PAM: variants seen among roughly 807,000 people sequenced by gnomAD.
PAM encodes the protein peptidylglycine alpha-amidating monooxygenase.
In PAM, 72 loss-of-function variants were observed where a neutral mutation model predicts 122.1. The ratio of observed to expected loss-of-function variants is 0.59; its 90% CI spans 0.49 to 0.72. PAM has a LOEUF of 0.72. Ranked by LOEUF, PAM falls within the 30% of genes least tolerant of loss-of-function variation. The probability of loss-of-function intolerance (pLI) is 0.00; values close to 1 mark genes in which losing one functional copy is unlikely to be tolerated. For synonymous variants in PAM, 389 were observed against 404.4 expected (o/e 0.96, Z 0.46); for missense variants, 1,106 against 1,183.7 (o/e 0.93, Z 0.96).
chr5:102,989,104 C>T (rs987800092), intron 15 of PAM, among the ~76,000 whole-genome samples: 2 of 152,106 alleles, frequency 1.3e-5, no homozygotes, highest in African/African-American at 2.4e-5. Context: ...GAAATATCAA[C>T]GCTGATACAA....
rs181277221 is a variant in PAM, at chr5:102,941,083, T to G, written c.527-5754T>G. Among the ~76,000 whole-genome samples the G allele has an allele frequency of 4.6e-5, 7 of 152,368 alleles. No homozygotes were observed. In the East Asian group the frequency reaches 9.6e-4, roughly 21 times the overall value. ...AAAATAGTATAAATCATAACTTCAC[T>G]GTAGACTCATATTTTTTTGCATTCA... On this transcript the variant is annotated intron_variant, in intron 7 of 25. Coordinates refer to ENST00000438793, the MANE Select transcript of PAM (RefSeq NM_001177306.2).
At chr5:102,827,426 A>G (rs551064540) in intron 1 of PAM, among the ~76,000 whole-genome samples, 6 of 106,584 alleles carry the variant, frequency 5.6e-5, no homozygotes, top group South Asian at 8.2e-4. Flanking sequence ...GGAAAATAAA[A>G]TAACATTTTA....
chr5:102,818,228 G>A (rs778991384), intron 1 of PAM, among the ~76,000 whole-genome samples: 24 of 151,516 alleles, frequency 1.6e-4, no homozygotes, highest in Non-Finnish European at 2.2e-4. Context: ...AGAAGGGCAG[G>A]AGGCTTTGCT....
At chr5:103,017,111 A>G (rs921085707) in intron 21 of PAM, among the ~76,000 whole-genome samples, 45 of 152,186 alleles carry the variant, frequency 3.0e-4, no homozygotes, top group African/African-American at 1.0e-3. Flanking sequence ...GTTCCTTAGC[A>G]TTTCCCAATG....
At chr5:102,840,389 G>A (rs1214143014) in intron 1 of PAM, among the ~76,000 whole-genome samples, 2 of 152,086 alleles carry the variant, frequency 1.3e-5, no homozygotes, top group African/African-American at 2.4e-5. Context: ...CAATTAAAAT[G>A]TATTGACTTG....
chr5:102,769,735 T>C (rs1323645499), intron 1 of PAM, among the ~76,000 whole-genome samples: 2 of 152,194 alleles, frequency 1.3e-5, no homozygotes, highest in South Asian at 2.1e-4. Context: ...GCCAGTACCA[T>C]GCTGCTTTGG....
chr5:102,991,171 C>G (rs1211835501), intron 16 of PAM, among the ~76,000 whole-genome samples: 1 of 152,116 alleles, frequency 6.6e-6, no homozygotes, highest in Non-Finnish European at 1.5e-5. Context: ...GTGGCAAAGC[C>G]AGGCTTCAGT....
intron 1 of PAM, among the ~76,000 whole-genome samples, chr5:102,789,982 T>C (rs1354575709): frequency 6.6e-6 from 1 of 152,118 alleles, no homozygotes; most frequent in Non-Finnish European, 1.5e-5. Context: ...AATTTTCTTA[T>C]CTTGTATGTG....
At chr5:102,864,271 T>C (rs1424269974) in intron 1 of PAM, among the ~76,000 whole-genome samples, 1 of 151,376 alleles carries the variant, frequency 6.6e-6, no homozygotes, top group Non-Finnish European at 1.5e-5. Context: ...GGCAATAGCA[T>C]AGCCTTCCTG....
At position 103,003,072 on chromosome 5, in the gene PAM, C is replaced by T. The variant is rs199892513; in HGVS notation, c.1653C>T (p.Leu551=). Residue 551 remains leucine (L), a synonymous_variant, in exon 17 of 26, where the codon CTC becomes CTT. Coordinates refer to ENST00000438793, the MANE Select transcript of PAM (RefSeq NM_001177306.2). ...AGTTTGTTTACCAGCAAATAGGACT[C>T]GGACCAATTGAAGAAGACACTATTC... ...DSKFVYQQIG[L]GPIEEDTILV... is the part of the protein sequence containing the mutation. 22 of 1,606,048 alleles carry T rather than the reference C, an allele frequency of 1.4e-5. No homozygotes were observed. Among genetic ancestry groups the T allele is most frequent in the South Asian group, 5.5e-5 (5 of 90,856 alleles).
intron 5 of PAM, among the ~76,000 whole-genome samples, chr5:102,922,899 T>C (rs939057633): frequency 6.6e-6 from 1 of 152,212 alleles, no homozygotes; most frequent in Non-Finnish European, 1.5e-5. Flanking sequence ...ATTTTGCTTT[T>C]GGGCATCATC....
intron 1 of PAM, among the ~76,000 whole-genome samples, chr5:102,776,073 G>T (rs150613837): frequency 0.028 from 4,231 of 152,144 alleles, 108 homozygotes; most frequent in East Asian, 0.13. Flanking sequence ...GTTTTGATTT[G>T]CATTTCTCTA....
At chr5:102,951,003 AT>A (rs539997634) in intron 12 of PAM, among the ~76,000 whole-genome samples, 183 bp downstream of exon 12, 1 of 152,024 alleles carries the variant, frequency 6.6e-6, no homozygotes, top group African/African-American at 2.4e-5. Flanking sequence ...ACATGTGCTC[AT>A]TTTTTTGTGC....
intron 17 of PAM, among the ~76,000 whole-genome samples, chr5:103,004,596 C>T (rs555151754): frequency 7.2e-5 from 11 of 152,304 alleles, no homozygotes; most frequent in Non-Finnish European, 1.5e-4. Context: ...GATTAACCTT[C>T]TCTAATGTTT....
intron 1 of PAM, among the ~76,000 whole-genome samples, chr5:102,806,581 A>T (rs1442801893): frequency 1.3e-5 from 2 of 152,172 alleles, no homozygotes; most frequent in Non-Finnish European, 2.9e-5. Context: ...TGATATATAC[A>T]TATATATACA....
At chr5:102,935,148 C>T (rs1752848536) in intron 7 of PAM, among the ~76,000 whole-genome samples, 1 of 152,126 alleles carries the variant, frequency 6.6e-6, no homozygotes, top group South Asian at 2.1e-4. Flanking sequence ...CTCCCTTTCT[C>T]ACCTAATTCC....
chr5:102,835,034 G>A (rs890264572), intron 1 of PAM, among the ~76,000 whole-genome samples: 1 of 152,018 alleles, frequency 6.6e-6, no homozygotes, highest in Non-Finnish European at 1.5e-5. Context: ...TCCCCTTGTG[G>A]TTCAAATCTT....
intron 1 of PAM, among the ~76,000 whole-genome samples, chr5:102,836,997 G>A (rs992027521): frequency 2.6e-5 from 4 of 151,834 alleles, no homozygotes; most frequent in African/African-American, 9.7e-5. Context: ...CTCTTCTCCT[G>A]CTCTTTTTCT....
chr5:102,939,140 A>G (rs1436647476), intron 7 of PAM, among the ~76,000 whole-genome samples: 4 of 152,202 alleles, frequency 2.6e-5, no homozygotes, highest in Non-Finnish European at 4.4e-5. Context: ...TGGACAGAAT[A>G]TTCTATTAGC....
Sources: gnomAD v4.1 joint callset for allele counts (sites outside exome capture counted in the v4.1 genomes callset) on GRCh38, gnomAD v4.1.1 for gene constraint, MANE v1.5 for transcripts, NCBI Gene and HGNC (gene_info 2026-07-23, HGNC 2026-07-21) for gene names.